The following SYT6 variants were observed in gnomAD, a reference collection of about 807,000 sequenced individuals.
The protein encoded by SYT6 is synaptotagmin 6.
SYT6 carries 24 observed loss-of-function variants against 38.4 expected under a neutral mutation model. The ratio of observed to expected loss-of-function variants is 0.62; its 90% CI spans 0.45 to 0.88. The LOEUF is 0.88. SYT6 is among the 40% of genes least tolerant of loss of function. The pLI is 0.00. For missense variants in SYT6, 611 were observed against 621.0 expected, an observed-to-expected ratio of 0.98 and a Z score of 0.17; for synonymous variants, 265 against 241.9, an observed-to-expected ratio of 1.10 and a Z score of -0.89.
chr1:114,097,715 G>A lies in SYT6; in HGVS notation c.1515+12C>T. 1 of 1,613,608 alleles carries A rather than the reference G, an allele frequency of 6.2e-7. No individual in the cohort carries two copies. The highest frequency in any genetic ancestry group is 8.5e-7 in the Non-Finnish European group (1 of 1,179,618). ...GCAGCAAACATGCCAAGGGCCAGGTGACCTCACCCACCTCTTTGAAGGATT... is the reference window on the plus strand; with the variant it reads ...GCAGCAAACATGCCAAGGGCCAGGTAACCTCACCCACCTCTTTGAAGGATT... On this transcript the variant is annotated intron_variant, in intron 6 of 7. Coordinates refer to ENST00000610222, the MANE Select transcript of SYT6 (RefSeq NM_001253772.2).
At chr1:114,100,840 A>G (rs1421682869) in intron 4 of SYT6, among the ~76,000 whole-genome samples, 1 of 152,190 alleles carries the variant, frequency 6.6e-6, no homozygotes, top group Non-Finnish European at 1.5e-5. Context: ...TGCAAAATCC[A>G]TAAGGATGTA....
At chr1:114,119,989 T>C (rs918489112) in intron 3 of SYT6, among the ~76,000 whole-genome samples, 1 of 150,028 alleles carries the variant, frequency 6.7e-6, no homozygotes, top group Non-Finnish European at 1.5e-5. Context: ...GAGAACGGCC[T>C]GAACCTGGGA....
At chr1:114,138,098 A>T in intron 2 of SYT6, 45 bp from the exon 3 acceptor site, 1 of 1,553,926 alleles carries the variant, frequency 6.4e-7, no homozygotes, top group Non-Finnish European at 8.7e-7. Flanking sequence ...GTCAGGGCTC[A>T]GGGGAAGGGG....
At chr1:114,125,015 G>A (rs535415596) in intron 3 of SYT6, among the ~76,000 whole-genome samples, 2 of 152,328 alleles carry the variant, frequency 1.3e-5, no homozygotes, top group Admixed American at 6.5e-5. Flanking sequence ...CCTGCTTAAC[G>A]TGCAGTTGGA....
intron 3 of SYT6, among the ~76,000 whole-genome samples, chr1:114,110,982 C>G (rs529675343): frequency 2.0e-5 from 3 of 152,190 alleles, no homozygotes; most frequent in Non-Finnish European, 2.9e-5. Flanking sequence ...AATGAAGTAT[C>G]ATCCAAAAGC....
At chr1:114,118,065 C>T (rs1677106940) in intron 3 of SYT6, among the ~76,000 whole-genome samples, 1 of 152,210 alleles carries the variant, frequency 6.6e-6, no homozygotes, top group Non-Finnish European at 1.5e-5. Context: ...CAATGCCTCA[C>T]TGGAAGGAGA....
intron 3 of SYT6, among the ~76,000 whole-genome samples, chr1:114,122,573 G>C (rs536621711): frequency 2.0e-5 from 3 of 152,242 alleles, no homozygotes; most frequent in African/African-American, 7.2e-5. Context: ...CTCAGGGTGG[G>C]TGGCAGAGGG....
intron 4 of SYT6, among the ~76,000 whole-genome samples, chr1:114,102,815 A>G (rs913522994): frequency 6.6e-6 from 1 of 151,506 alleles, no homozygotes; most frequent in East Asian, 2.0e-4. Flanking sequence ...CACTCCTCAG[A>G]GCAGTCTGAG....
intron 3 of SYT6, among the ~76,000 whole-genome samples, chr1:114,122,583 G>A (rs1032034634): frequency 6.6e-6 from 1 of 152,138 alleles, no homozygotes; most frequent in African/African-American, 2.4e-5. Context: ...GTGGCAGAGG[G>A]CTCTGCTGAG....
intron 3 of SYT6, among the ~76,000 whole-genome samples, chr1:114,136,928 G>T (rs146630913): frequency 6.6e-6 from 1 of 152,252 alleles, no homozygotes; most frequent in African/African-American, 2.4e-5. Context: ...TCACTTCTGC[G>T]TGGAAGTTTT....
intron 1 of SYT6, among the ~76,000 whole-genome samples, chr1:114,145,028 G>C (rs1342371488): frequency 3.3e-5 from 5 of 151,542 alleles, no homozygotes; most frequent in African/African-American, 1.2e-4. Context: ...CCTTCACCTG[G>C]AGACTGCCAG....
chr1:114,151,260 C>CCATA, intron 1 of SYT6, among the ~76,000 whole-genome samples: 1 of 152,292 alleles, frequency 6.6e-6, no homozygotes, highest in South Asian at 2.1e-4. Flanking sequence ...TCCTGCCTCC[C>CCATA]CATATCCCTT....
chr1:114,136,912 CAT>C (rs35091997), intron 3 of SYT6, among the ~76,000 whole-genome samples: 34,240 of 151,984 alleles, frequency 0.23, 3,911 homozygotes, highest in Non-Finnish European at 0.25. Flanking sequence ...GTGGAAGTGA[CAT>C]GTGTCACTTC....
chr1:114,121,742 C>T (rs1203674879), intron 3 of SYT6, among the ~76,000 whole-genome samples: 1 of 152,184 alleles, frequency 6.6e-6, no homozygotes, highest in Non-Finnish European at 1.5e-5. Context: ...GTTTCCCCAT[C>T]TATAAAATGG....
intron 5 of SYT6, 131 bp downstream of exon 5, chr1:114,098,963 G>T: frequency 1.1e-6 from 1 of 894,638 alleles, no homozygotes; most frequent in Non-Finnish European, 1.7e-6. Context: ...CCCTTCTTGG[G>T]TACAGATAGA....
chr1:114,106,329 C>T (rs750518643), intron 3 of SYT6, among the ~76,000 whole-genome samples: 10 of 151,932 alleles, frequency 6.6e-5, no homozygotes, highest in Non-Finnish European at 1.5e-4. Context: ...TGAGTCTTAC[C>T]TCAGCCCTGC....
At chr1:114,097,097 G>A (rs1675683238) in intron 6 of SYT6, among the ~76,000 whole-genome samples, 1 of 152,164 alleles carries the variant, frequency 6.6e-6, no homozygotes, top group South Asian at 2.1e-4. Flanking sequence ...AGTCAGGAGG[G>A]GCCAAGATTG....
At chr1:114,115,981 CGTG>C (rs1330396492) in intron 3 of SYT6, among the ~76,000 whole-genome samples, 1 of 152,034 alleles carries the variant, frequency 6.6e-6, no homozygotes, top group African/African-American at 2.4e-5. Context: ...TGCCGAGGAC[CGTG>C]TAGGTTTTGA....
intron 3 of SYT6, 56 bp downstream of exon 3, chr1:114,137,439 C>T: frequency 6.4e-7 from 1 of 1,558,338 alleles, no homozygotes; most frequent in Non-Finnish European, 8.7e-7. Context: ...GGGACATGTC[C>T]CACCCAACCC....
Sources: gnomAD v4.1 joint callset for allele counts (sites outside exome capture counted in the v4.1 genomes callset) on GRCh38, gnomAD v4.1.1 for gene constraint, MANE v1.5 for transcripts, NCBI Gene and HGNC (gene_info 2026-07-23, HGNC 2026-07-21) for gene names.